Variants in MAP3K20 observed in about 807,000 individuals in gnomAD.
MAP3K20 encodes the protein mitogen-activated protein kinase kinase kinase 20.
MAP3K20 carries 40 observed loss-of-function variants against 85.7 expected under a neutral mutation model. That is an observed-to-expected ratio of 0.47 (90% CI 0.36 to 0.61). The LOEUF is 0.61. Among genes scored for constraint, MAP3K20 ranks in the 20% least tolerant of loss-of-function variants. MAP3K20 has a pLI of 0.00. For missense variants in MAP3K20, 817 were observed against 961.7 expected, an observed-to-expected ratio of 0.85 and a Z score of 1.99; for synonymous variants, 325 against 327.7, an observed-to-expected ratio of 0.99 and a Z score of 0.09.
intron 2 of MAP3K20, among the ~76,000 whole-genome samples, chr2:173,093,008 C>T (rs1373066379): frequency 1.3e-5 from 2 of 152,110 alleles, no homozygotes; most frequent in Non-Finnish European, 2.9e-5. Flanking sequence ...AAAACAAAAC[C>T]TCCACTTTTG....
chr2:173,241,932 C>A (rs1012017796), intron 16 of MAP3K20, among the ~76,000 whole-genome samples: 1 of 152,170 alleles, frequency 6.6e-6, no homozygotes, highest in Non-Finnish European at 1.5e-5. Context: ...AAAGTAAGTT[C>A]TTCTGTCTCC....
At chr2:173,108,312 A>T (rs1334344970) in intron 2 of MAP3K20, among the ~76,000 whole-genome samples, 1 of 151,984 alleles carries the variant, frequency 6.6e-6, no homozygotes, top group African/African-American at 2.4e-5. Context: ...TTGTATTTTT[A>T]GTAGAGATGG....
chr2:173,162,969 G>A (rs1298443368), intron 2 of MAP3K20, among the ~76,000 whole-genome samples: 1 of 152,126 alleles, frequency 6.6e-6, no homozygotes, highest in Non-Finnish European at 1.5e-5. Context: ...ATGATGTGGG[G>A]CTTCATAAAC....
intron 2 of MAP3K20, among the ~76,000 whole-genome samples, chr2:173,153,739 A>C (rs918041155): frequency 6.6e-6 from 1 of 152,208 alleles, no homozygotes; most frequent in South Asian, 2.1e-4. Context: ...GTGGATGCCT[A>C]AGTCCTTTGT....
intron 2 of MAP3K20, among the ~76,000 whole-genome samples, chr2:173,141,686 GA>G (rs1688977347): frequency 6.6e-6 from 1 of 152,064 alleles, no homozygotes; most frequent in Non-Finnish European, 1.5e-5. Context: ...CAACTTTGAT[GA>G]AAACCATACA....
intron 2 of MAP3K20, chr2:173,166,348 GGTT>G (rs1689821796): frequency 6.6e-6 from 1 of 152,076 alleles, no homozygotes; most frequent in Non-Finnish European, 1.5e-5. Flanking sequence ...TAAACACTTT[GGTT>G]GTTTTTACCT....
chr2:173,266,542 G>C lies in MAP3K20; in HGVS notation c.2195G>C (p.Arg732Thr), dbSNP rs1195305448. The change falls in exon 20 of 20, where the codon AGA becomes ACA. Residue 732 changes from arginine (R) to threonine (T), a missense_variant. Transcript: ENST00000375213. ...LNPHQSPDFK[R>T]SPRDLHQPNT... is the part of the protein sequence containing the mutation. ...CCTCACCAGTCGCCTGACTTCAAGA[G>C]AAGCCCCAGGGACCTCCACCAACCC... 4 of 1,613,724 alleles carry C rather than the reference G, an allele frequency of 2.5e-6. No individual in the cohort carries two copies. Among genetic ancestry groups the C allele is most frequent in the Non-Finnish European group, 3.4e-6 (4 of 1,179,926 alleles).
chr2:173,230,496 A>T (rs919574919), intron 12 of MAP3K20, among the ~76,000 whole-genome samples: 12 of 152,170 alleles, frequency 7.9e-5, no homozygotes, highest in African/African-American at 2.7e-4. Context: ...CCCAAGTGGG[A>T]ATAGACACAA....
At chr2:173,205,003 T>G (rs1340798319) in intron 9 of MAP3K20, among the ~76,000 whole-genome samples, 1 of 149,380 alleles carries the variant, frequency 6.7e-6, no homozygotes, top group African/African-American at 2.5e-5. Context: ...CTTGGGAGGC[T>G]GAGGCAGGAG....
intron 8 of MAP3K20, among the ~76,000 whole-genome samples, chr2:173,203,360 T>G (rs1036320496): frequency 1.3e-5 from 2 of 152,212 alleles, no homozygotes; most frequent in Non-Finnish European, 2.9e-5. Flanking sequence ...ATCTCTGTGA[T>G]CTGTGCTCAG....
intron 2 of MAP3K20, among the ~76,000 whole-genome samples, chr2:173,158,744 TG>T (rs1399221105): frequency 2.6e-5 from 4 of 152,204 alleles, no homozygotes; most frequent in Non-Finnish European, 5.9e-5. Context: ...ACCTGGCATT[TG>T]CTGGGCACTG....
rs552370354 is a variant in MAP3K20 at position 173,158,329 on chromosome 2, T to C, written c.160-11476T>C. ...AAGGACCTATGATTTTACTGGACTT[T>C]TTTTAAAGGGAGAAAGGGGGAGGAG... On this transcript the variant is annotated intron_variant, in intron 2 of 19. Transcript: ENST00000375213. Among the ~76,000 whole-genome samples the C allele has an allele frequency of 1.1e-4, 17 of 152,284 alleles. 1 individual carries two copies. The South Asian group carries it at 3.5e-3, about 32-fold the overall frequency.
intron 2 of MAP3K20, among the ~76,000 whole-genome samples, chr2:173,142,982 A>G (rs1689020996): frequency 6.6e-6 from 1 of 151,940 alleles, no homozygotes; most frequent in South Asian, 2.1e-4. Flanking sequence ...AGCTGTGATC[A>G]CACCATCGCA....
intron 2 of MAP3K20, among the ~76,000 whole-genome samples, chr2:173,110,576 C>T (rs1300839628): frequency 2.0e-5 from 3 of 151,946 alleles, no homozygotes; most frequent in Non-Finnish European, 4.4e-5. Flanking sequence ...TGCCCCGCCC[C>T]TACTCTTTCC....
At chr2:173,122,596 C>T (rs1219098792) in intron 2 of MAP3K20, among the ~76,000 whole-genome samples, 1 of 152,080 alleles carries the variant, frequency 6.6e-6, no homozygotes, top group Non-Finnish European at 1.5e-5. Flanking sequence ...CTGTTCTAGG[C>T]CTAGAACTGG....
chr2:173,259,623 G>A (rs1685240156), intron 17 of MAP3K20, among the ~76,000 whole-genome samples: 2 of 152,146 alleles, frequency 1.3e-5, no homozygotes, highest in South Asian at 4.1e-4. Context: ...CACAAATAGG[G>A]AACTAAAATG....
At chr2:173,117,563 A>T (rs1032852795) in intron 2 of MAP3K20, among the ~76,000 whole-genome samples, 1 of 152,012 alleles carries the variant, frequency 6.6e-6, no homozygotes, top group African/African-American at 2.4e-5. Context: ...TACAGGCACA[A>T]GCCACCACGC....
At chr2:173,237,019 C>CTTTTTTTTTT (rs368196400) in intron 14 of MAP3K20, among the ~76,000 whole-genome samples, 4 of 75,582 alleles carry the variant, frequency 5.3e-5, no homozygotes, top group Non-Finnish European at 9.4e-5. Flanking sequence ...GTATATCCAC[C>CTTTTTTTTTT]TTTTTTTTTT....
At chr2:173,136,253 T>G (rs1046157331) in intron 2 of MAP3K20, among the ~76,000 whole-genome samples, 1 of 152,180 alleles carries the variant, frequency 6.6e-6, no homozygotes, top group African/African-American at 2.4e-5. Context: ...AGGAATGTGA[T>G]TTTTGGGGTG....
Sources: gnomAD v4.1 joint callset for allele counts (sites outside exome capture counted in the v4.1 genomes callset) on GRCh38, gnomAD v4.1.1 for gene constraint, MANE v1.5 for transcripts, NCBI Gene and HGNC (gene_info 2026-07-23, HGNC 2026-07-21) for gene names.